Variants in CDC42BPA observed in about 807,000 individuals in gnomAD.
CDC42BPA encodes serine/threonine-protein kinase MRCK alpha.
Under a neutral mutation model 223.5 loss-of-function variants are expected in CDC42BPA, and 80 were observed. The observed-to-expected ratio is 0.36, with a 90% CI of 0.30 to 0.43. The LOEUF is 0.43. CDC42BPA is among the 20% of genes least tolerant of loss of function. The pLI is 1.00. For missense variants in CDC42BPA, 1,743 were observed against 2,099.9 expected, an observed-to-expected ratio of 0.83 and a Z score of 3.32; for synonymous variants, 694 against 718.6, an observed-to-expected ratio of 0.97 and a Z score of 0.55.
intron 1 of CDC42BPA, among the ~76,000 whole-genome samples, chr1:227,268,609 AGT>A (rs1209318501): frequency 7.5e-6 from 1 of 132,956 alleles, no homozygotes; most frequent in African/African-American, 2.8e-5. Context: ...GTGTGTGTAT[AGT>A]GTGTGTATAT....
At chr1:227,095,543 A>T (rs1683814744) in intron 15 of CDC42BPA, among the ~76,000 whole-genome samples, 2 of 151,988 alleles carry the variant, frequency 1.3e-5, no homozygotes, top group African/African-American at 2.4e-5. Flanking sequence ...CAGTTTTAAT[A>T]AGACTTAAAA....
At position 227,221,672 on chromosome 1, in the gene CDC42BPA, A is replaced by G. The variant is rs576637623; in HGVS notation, c.271-8453T>C. 2.0e-5 allele frequency among the ~76,000 whole-genome samples: 3 copies of G among 151,858 alleles called. No individual in the cohort carries two copies. In the East Asian group the frequency reaches 5.8e-4, roughly 29 times the overall value. On this transcript the variant is annotated intron_variant, in intron 2 of 36. Coordinates refer to ENST00000366766, the MANE Select transcript of CDC42BPA (RefSeq NM_001394014.1). ...AACTGCTGAGAACACAAAGCTGAAT[A>G]AAAAGTTTGTTGGGCTCAGAAAACA...
chr1:226,997,885 T>A (rs1661961763), intron 35 of CDC42BPA, among the ~76,000 whole-genome samples: 1 of 152,192 alleles, frequency 6.6e-6, no homozygotes, highest in African/African-American at 2.4e-5. Flanking sequence ...AGTTTTAGAA[T>A]AAGTGTGATG....
At chr1:227,145,455 GA>G in intron 8 of CDC42BPA, 33 bp downstream of exon 8, 2 of 1,582,198 alleles carry the variant, frequency 1.3e-6, no homozygotes, top group Non-Finnish European at 1.7e-6. Context: ...GAAAGAAACA[GA>G]GGGACAGAAC....
chr1:227,199,766 AT>A (rs1174822314), intron 3 of CDC42BPA, 114 bp from the exon 4 acceptor site: 1 of 508,506 alleles, frequency 2.0e-6, no homozygotes, highest in African/African-American at 2.0e-5. Context: ...TACACCTGAT[AT>A]TATAAGACAT....
At chr1:227,056,945 G>A (rs1674702522) in intron 21 of CDC42BPA, among the ~76,000 whole-genome samples, 1 of 152,132 alleles carries the variant, frequency 6.6e-6, no homozygotes, top group Non-Finnish European at 1.5e-5. Context: ...ACCAGTAAGG[G>A]TAAGCTTACT....
intron 4 of CDC42BPA, among the ~76,000 whole-genome samples, chr1:227,197,733 C>T (rs1345897812): frequency 1.3e-5 from 2 of 152,020 alleles, no homozygotes; most frequent in East Asian, 1.9e-4. Flanking sequence ...TTATCTATTA[C>T]AGAATACACT....
intron 15 of CDC42BPA, among the ~76,000 whole-genome samples, chr1:227,093,997 T>A (rs1475488265): frequency 1.3e-5 from 2 of 152,160 alleles, no homozygotes; most frequent in Non-Finnish European, 2.9e-5. Flanking sequence ...AATAGTTACA[T>A]CAAAAAGGGA....
At chr1:227,006,153 T>C (rs1663997774) in intron 34 of CDC42BPA, among the ~76,000 whole-genome samples, 1 of 152,080 alleles carries the variant, frequency 6.6e-6, no homozygotes, top group South Asian at 2.1e-4. Flanking sequence ...CATGTAAGCA[T>C]CTTCTGATGC....
chr1:227,279,369 A>G (rs977401764), intron 1 of CDC42BPA, among the ~76,000 whole-genome samples: 3 of 152,162 alleles, frequency 2.0e-5, no homozygotes, highest in African/African-American at 7.2e-5. Flanking sequence ...TTCATAAAAC[A>G]GTTTTTTCAG....
At chr1:227,048,718 A>C (rs1437557429) in intron 22 of CDC42BPA, among the ~76,000 whole-genome samples, 2 of 149,970 alleles carry the variant, frequency 1.3e-5, no homozygotes, top group Admixed American at 6.7e-5. Context: ...TATTATGGGG[A>C]AAAAAGAGCC....
At chr1:227,111,518 G>A (rs1686918776) in intron 14 of CDC42BPA, among the ~76,000 whole-genome samples, 2 of 151,994 alleles carry the variant, frequency 1.3e-5, no homozygotes, top group Non-Finnish European at 1.5e-5. Flanking sequence ...ACGGAGTTTC[G>A]CTCTTGCCCA....
In CDC42BPA at chr1:226,991,730, T is replaced by A. The variant is rs1660761758; in HGVS notation, c.*2538A>T. On this transcript the variant is annotated 3_prime_UTR_variant, in exon 37 of 37. Coordinates refer to ENST00000366766, the MANE Select transcript of CDC42BPA (RefSeq NM_001394014.1). Reference sequence around the variant, plus strand: ...TCTGCCCTGTTGGGAGGCTGAAGAGTATGACCCATAGCAGTGGAGCTAGAC... The same window carrying A: ...TCTGCCCTGTTGGGAGGCTGAAGAGAATGACCCATAGCAGTGGAGCTAGAC... 1 of 151,922 alleles carries A rather than the reference T, an allele frequency of 6.6e-6. No individual in the cohort carries two copies. Among genetic ancestry groups the A allele is most frequent in the East Asian group, 1.9e-4 (1 of 5,186 alleles). 9.4% of individuals were successfully genotyped at this position (151,922 alleles called of 1,614,324 possible).
intron 6 of CDC42BPA, among the ~76,000 whole-genome samples, chr1:227,155,167 T>C (rs992108769): frequency 1.6e-4 from 24 of 152,102 alleles, no homozygotes; most frequent in African/African-American, 5.3e-4. Context: ...TTTCAGGACA[T>C]TGGGAATAAA....
intron 9 of CDC42BPA, among the ~76,000 whole-genome samples, chr1:227,140,459 A>C (rs1659474907): frequency 6.6e-6 from 1 of 152,064 alleles, no homozygotes; most frequent in African/African-American, 2.4e-5. Flanking sequence ...GGACCAGTTA[A>C]GGGAATATCA....
At chr1:227,179,432 T>C (rs1243081639) in intron 5 of CDC42BPA, among the ~76,000 whole-genome samples, 1 of 151,490 alleles carries the variant, frequency 6.6e-6, no homozygotes, top group Non-Finnish European at 1.5e-5. Context: ...GTCAGGAGAT[T>C]GAGACCATCC....
At chr1:227,085,010 G>C (rs528927069) in intron 16 of CDC42BPA, among the ~76,000 whole-genome samples, 1 of 152,182 alleles carries the variant, frequency 6.6e-6, no homozygotes, top group Non-Finnish European at 1.5e-5. Context: ...GACCTGAAAC[G>C]AGGCAGAAGC....
chr1:227,245,284 CTTTTTTTTTTT>C (rs759666049), intron 2 of CDC42BPA, among the ~76,000 whole-genome samples: 1 of 81,790 alleles, frequency 1.2e-5, no homozygotes, highest in East Asian at 3.5e-4. Flanking sequence ...TGTCTTGCAT[CTTTTTTTTTTT>C]TTTTTTTTTT....
chr1:226,991,738 A>G lies in CDC42BPA; in HGVS notation c.*2530T>C, dbSNP rs1239453674. 1 of 152,098 alleles carries G rather than the reference A, an allele frequency of 6.6e-6. No homozygotes were observed. Among genetic ancestry groups the G allele is most frequent in the African/African-American group, 2.4e-5 (1 of 41,406 alleles). The allele number at this position is 152,098 out of a possible 1,614,324, so 9.4% of individuals were successfully genotyped here. ...GTTGGGAGGCTGAAGAGTATGACCC[A>G]TAGCAGTGGAGCTAGACTTTAGGTA... On this transcript the variant is annotated 3_prime_UTR_variant, in exon 37 of 37. Coordinates refer to ENST00000366766, the MANE Select transcript of CDC42BPA (RefSeq NM_001394014.1).
Sources: allele counts gnomAD v4.1 joint callset (sites outside exome capture counted in the v4.1 genomes callset), GRCh38; gene constraint gnomAD v4.1.1; transcripts MANE v1.5; gene names NCBI Gene and HGNC (gene_info 2026-07-23, HGNC 2026-07-21).